Variants in TMEM175 observed in about 807,000 individuals in gnomAD.
TMEM175 encodes the protein endosomal/lysosomal proton channel TMEM175.
TMEM175 carries 36 observed loss-of-function variants against 36.5 expected under a neutral mutation model. That is an observed-to-expected ratio of 0.99 (90% CI 0.76 to 1.30). The LOEUF (loss-of-function observed/expected upper bound fraction) is 1.30, where lower values mean the gene tolerates loss of function less well. Among genes scored for constraint, TMEM175 ranks in the 50% most tolerant of loss-of-function variants. TMEM175 has a pLI of 0.00. For synonymous variants in TMEM175, 339 were observed against 313.4 expected (o/e 1.08, Z -0.86); for missense variants, 705 against 692.8 (o/e 1.02, Z -0.20).
At position 952,466 on chromosome 4, in the gene TMEM175, G is replaced by A. The variant is rs754141079; in HGVS notation, c.462+16G>A. Reference sequence around the variant, plus strand: ...GGTCGTGCAGGTAGGGGGCCTGGGGGGCCTGCACTGTGTGTGTGTGTGTGT... The same window carrying A: ...GGTCGTGCAGGTAGGGGGCCTGGGGAGCCTGCACTGTGTGTGTGTGTGTGT... On this transcript the variant is annotated intron_variant, in intron 7 of 10. Transcript: ENST00000264771. The A allele has an allele frequency of 1.9e-6, 3 of 1,551,816 alleles. No homozygotes were observed. Among genetic ancestry groups the A allele is most frequent in the Non-Finnish European group, 1.8e-6 (2 of 1,142,082 alleles).
chr4:945,452 C>T (rs568029581), intron 1 of TMEM175, among the ~76,000 whole-genome samples: 2 of 152,272 alleles, frequency 1.3e-5, no homozygotes, highest in South Asian at 2.1e-4. Context: ...GCCCTCCCGT[C>T]GCCTCACGCC....
chr4:949,740 C>G (rs1728626906), intron 3 of TMEM175, among the ~76,000 whole-genome samples: 1 of 151,844 alleles, frequency 6.6e-6, no homozygotes, highest in South Asian at 2.1e-4. Context: ...CCGGTGCCTC[C>G]ACGCCCACCG....
intron 1 of TMEM175, among the ~76,000 whole-genome samples, chr4:935,898 T>C (rs1244410877): frequency 6.6e-6 from 1 of 152,222 alleles, no homozygotes; most frequent in African/African-American, 2.4e-5. Flanking sequence ...CAACTCACTT[T>C]TAAATAACTC....
Position 958,094 on chromosome 4 carries a change from T to C in TMEM175, c.1113T>C (p.Asp371=). The change falls in exon 11 of 11, where the codon GAT becomes GAC. Residue 371 remains aspartate (D), a synonymous_variant. Coordinates refer to ENST00000264771, the MANE Select transcript of TMEM175 (RefSeq NM_032326.4). ...QTSAFARQPR[D]ELERVRVSCT... is the part of the protein sequence containing the mutation. Reference sequence around the variant, plus strand: ...CGGCCTTCGCCCGGCAGCCCCGCGATGAGCTGGAGCGCGTGCGTGTCAGCT... The same window carrying C: ...CGGCCTTCGCCCGGCAGCCCCGCGACGAGCTGGAGCGCGTGCGTGTCAGCT... 1 of 1,606,406 alleles carries C rather than the reference T, an allele frequency of 6.2e-7. No homozygotes were observed. Among genetic ancestry groups the C allele is most frequent in the Non-Finnish European group, 8.5e-7 (1 of 1,179,352 alleles).
Position 958,166 on chromosome 4 carries a change from CACGGCGCTGCTGCACCAG to C in TMEM175, c.1186_1203del (p.Thr396_Gln401del). ...GCATCTTCCAGCTGGCCATGTGGAC[CACGGCGCTGCTGCACCAG>C]GCGGAGACGCTGCAGCCCTCGGTGT... On this transcript the variant is annotated inframe_deletion, in exon 11 of 11. Transcript: ENST00000264771. 6.2e-7 allele frequency: 1 copy of C among 1,603,318 alleles called. No individual in the cohort carries two copies. The highest frequency in any genetic ancestry group is 8.5e-7 in the Non-Finnish European group (1 of 1,179,290).
intron 1 of TMEM175, among the ~76,000 whole-genome samples, chr4:936,074 G>A (rs1338842499): frequency 2.0e-5 from 3 of 152,168 alleles, no homozygotes. Context: ...AAAGTTGGCT[G>A]GGCACGGTAG....
At chr4:945,653 C>G (rs766930242) in intron 1 of TMEM175, among the ~76,000 whole-genome samples, 3 of 152,200 alleles carry the variant, frequency 2.0e-5, no homozygotes, top group Non-Finnish European at 4.4e-5. Context: ...GCACATCCCT[C>G]TTCCTGCGGA....
At chr4:950,675 G>C (rs949026620) in intron 4 of TMEM175, among the ~76,000 whole-genome samples, 157 bp downstream of exon 4, 1 of 152,256 alleles carries the variant, frequency 6.6e-6, no homozygotes, top group Non-Finnish European at 1.5e-5. Flanking sequence ...CAAACCCAGG[G>C]CCTGGGACAG....
chr4:957,409 C>G (rs1188937616), intron 10 of TMEM175, among the ~76,000 whole-genome samples: 1 of 152,192 alleles, frequency 6.6e-6, no homozygotes, highest in Non-Finnish European at 1.5e-5. Context: ...AAGCCCTCTG[C>G]AGATCTTCAG....
At chr4:936,834 G>C (rs1008732973) in intron 1 of TMEM175, among the ~76,000 whole-genome samples, 3 of 152,132 alleles carry the variant, frequency 2.0e-5, no homozygotes, top group Non-Finnish European at 4.4e-5. Flanking sequence ...GCATGTGCCT[G>C]AAATCCCAGC....
At chr4:953,105 G>A (rs574417182) in intron 7 of TMEM175, 85 bp from the exon 8 acceptor site, 12 of 1,413,124 alleles carry the variant, frequency 8.5e-6, no homozygotes, top group Admixed American at 2.3e-5. Context: ...CCTTGCGTGC[G>A]TGTGCCATGC....
intron 8 of TMEM175, among the ~76,000 whole-genome samples, chr4:954,779 C>T (rs1478161038): frequency 1.3e-5 from 2 of 152,180 alleles, no homozygotes; most frequent in African/African-American, 4.8e-5. Flanking sequence ...CATGGTGGTT[C>T]CAGTTTGTCC....
In TMEM175 at chr4:947,816, C is replaced by T; in HGVS notation, c.77C>T (p.Ala26Val). ...CCCCCAGGCAGGAGAGACGAGGACG[C>T]TGGGGAGGGGATCCAGTGCTCCCAA... is the stretch of plus-strand genomic sequence containing the variant. ...DCPPGRRDED[A>V]GEGIQCSQRM... The change falls in exon 2 of 11, where the codon GCT (alanine) becomes GTT (valine). Residue 26 changes from alanine to valine, a missense_variant. Transcript: ENST00000264771. 6.2e-7 allele frequency: 1 copy of T among 1,613,282 alleles called. No individual in the cohort carries two copies. The highest frequency in any genetic ancestry group is 8.5e-7 in the Non-Finnish European group (1 of 1,180,010).
chr4:958,364 G>A lies in TMEM175; in HGVS notation c.1383G>A (p.Leu461=), dbSNP rs751440203. ...TCGCCGTGCCCTGCGCCTTCCTGTTGCTGCGCCTGCTCGTGGGCCTGGCCC... is the reference window on the plus strand; with the variant it reads ...TCGCCGTGCCCTGCGCCTTCCTGTTACTGCGCCTGCTCGTGGGCCTGGCCC... ...MQIAVPCAFL[L]LRLLVGLALA... is the part of the protein sequence containing the mutation. The change falls in exon 11 of 11, where the codon TTG becomes TTA. Residue 461 remains leucine (L), a synonymous_variant. Coordinates refer to ENST00000264771, the MANE Select transcript of TMEM175 (RefSeq NM_032326.4). The A allele has an allele frequency of 6.2e-7, 1 of 1,603,192 alleles. No individual in the cohort carries two copies. Among genetic ancestry groups the A allele is most frequent in the Non-Finnish European group, 8.5e-7 (1 of 1,179,770 alleles).
intron 1 of TMEM175, among the ~76,000 whole-genome samples, chr4:940,937 C>T (rs918020021): frequency 1.5e-4 from 23 of 150,894 alleles, no homozygotes; most frequent in African/African-American, 5.1e-4. Context: ...ACCCAGGAGT[C>T]GGAGGTTGCA....
chr4:939,030 TA>T (rs1206986838), intron 1 of TMEM175, among the ~76,000 whole-genome samples: 1 of 152,214 alleles, frequency 6.6e-6, no homozygotes, highest in Non-Finnish European at 1.5e-5. Flanking sequence ...GGTGTAGAGG[TA>T]CGTGCCTGTA....
intron 5 of TMEM175, 73 bp downstream of exon 5, chr4:951,331 G>T: frequency 6.4e-7 from 1 of 1,556,206 alleles, no homozygotes; most frequent in South Asian, 1.1e-5. Flanking sequence ...GAGGGGAAGG[G>T]AGCAGCCGGC....
chr4:950,576 C>A, intron 4 of TMEM175, 58 bp downstream of exon 4: 2 of 1,285,526 alleles, frequency 1.6e-6, no homozygotes, highest in Non-Finnish European at 2.3e-6. Context: ...CCGTACCCCG[C>A]ACCACATCAC....
At chr4:955,533 C>T in intron 9 of TMEM175, 50 bp downstream of exon 9, 1 of 1,560,464 alleles carries the variant, frequency 6.4e-7, no homozygotes, top group South Asian at 1.1e-5. Context: ...GTCCGCCCAC[C>T]TCCGTGCGGC....
Sources: allele counts gnomAD v4.1 joint callset (sites outside exome capture counted in the v4.1 genomes callset), GRCh38; gene constraint gnomAD v4.1.1; transcripts MANE v1.5; gene names NCBI Gene and HGNC (gene_info 2026-07-23, HGNC 2026-07-21).